The following PAX3 variants were observed in gnomAD, a reference collection of about 807,000 sequenced individuals.
PAX3 encodes paired box protein Pax-3.
PAX3 carries 14 observed loss-of-function variants against 51.6 expected under a neutral mutation model. The observed-to-expected ratio is 0.27, with a 90% CI of 0.18 to 0.42. PAX3 has a LOEUF of 0.42. Among genes scored for constraint, PAX3 ranks in the 10% least tolerant of loss-of-function variants. The pLI, the probability that PAX3 is intolerant of heterozygous loss-of-function variation, is 1.00. For missense variants in PAX3, 540 were observed against 642.8 expected, an observed-to-expected ratio of 0.84 and a Z score of 1.73; for synonymous variants, 280 against 253.4, an observed-to-expected ratio of 1.11 and a Z score of -1.00.
intron 7 of PAX3, among the ~76,000 whole-genome samples, chr2:222,203,014 T>TATATATATATAC (rs1691362667): frequency 6.6e-5 from 2 of 30,302 alleles, no homozygotes; most frequent in African/African-American, 2.9e-4. Context: ...AACCATTTCA[T>TATATATATATAC]ATATATATAT....
intron 5 of PAX3, among the ~76,000 whole-genome samples, chr2:222,230,412 G>T (rs13400426): frequency 3.3e-5 from 5 of 149,522 alleles, no homozygotes; most frequent in Non-Finnish European, 5.9e-5. Context: ...GGGCCTGTTG[G>T]GGGGTGGGGG....
chr2:222,223,283 T>C (rs975596685), intron 5 of PAX3, among the ~76,000 whole-genome samples: 1 of 152,222 alleles, frequency 6.6e-6, no homozygotes, highest in Non-Finnish European at 1.5e-5. Flanking sequence ...CAACATTTAA[T>C]ACTCCTTAAG....
chr2:222,220,095 G>T, intron 7 of PAX3, 45 bp downstream of exon 7: 1 of 1,519,642 alleles, frequency 6.6e-7, no homozygotes, highest in Non-Finnish European at 9.1e-7. Flanking sequence ...TGAATATTTG[G>T]TTCTGGTATA....
At chr2:222,290,788 G>T (rs1007076239) in intron 4 of PAX3, among the ~76,000 whole-genome samples, 1 of 152,060 alleles carries the variant, frequency 6.6e-6, no homozygotes, top group Admixed American at 6.5e-5. Flanking sequence ...AAGGAGGGGT[G>T]GAGGAGGAGG....
intron 4 of PAX3, among the ~76,000 whole-genome samples, chr2:222,270,705 T>C (rs377053672): frequency 1.4e-3 from 208 of 152,300 alleles, no homozygotes; most frequent in African/African-American, 4.5e-3. Flanking sequence ...CTTCCAATCT[T>C]GTGACATGAG....
At chr2:222,290,710 A>G (rs186169222) in intron 4 of PAX3, among the ~76,000 whole-genome samples, 1 of 152,290 alleles carries the variant, frequency 6.6e-6, no homozygotes, top group Non-Finnish European at 1.5e-5. Context: ...TAATTCCATT[A>G]CTGCACAAAG....
intron 4 of PAX3, among the ~76,000 whole-genome samples, chr2:222,254,275 A>T (rs1251495592): frequency 6.6e-6 from 1 of 152,188 alleles, no homozygotes; most frequent in Non-Finnish European, 1.5e-5. Flanking sequence ...TGGGGAAAGG[A>T]GGGTAGCTCT....
At chr2:222,265,982 T>C (rs994091438) in intron 4 of PAX3, among the ~76,000 whole-genome samples, 3 of 152,196 alleles carry the variant, frequency 2.0e-5, no homozygotes, top group African/African-American at 7.2e-5. Context: ...TCCAATAGTG[T>C]GGGGACAGCC....
intron 7 of PAX3, among the ~76,000 whole-genome samples, chr2:222,205,177 G>A (rs889888048): frequency 3.9e-5 from 6 of 152,168 alleles, no homozygotes; most frequent in Admixed American, 3.3e-4. Context: ...TTAAGACCTT[G>A]AAGTATATCT....
intron 4 of PAX3, among the ~76,000 whole-genome samples, chr2:222,280,410 GAAAA>G (rs745529133): frequency 2.4e-5 from 3 of 125,430 alleles, no homozygotes; most frequent in Admixed American, 8.3e-5. Flanking sequence ...AAGAAAGAAA[GAAAA>G]AAGAAAGAAA....
At chr2:222,254,258 AT>A (rs1184694326) in intron 4 of PAX3, among the ~76,000 whole-genome samples, 7 of 152,154 alleles carry the variant, frequency 4.6e-5, no homozygotes, top group African/African-American at 1.7e-4. Context: ...TTGATATGTT[AT>A]TTGCCTGGGG....
chr2:222,293,096 T>C (rs904206270), intron 4 of PAX3, among the ~76,000 whole-genome samples: 10 of 152,312 alleles, frequency 6.6e-5, no homozygotes, highest in Middle Eastern at 3.4e-3. Context: ...CGGCAACGGC[T>C]GTGAGCCCAC....
At chr2:222,221,500 T>A in intron 5 of PAX3, 113 bp from the exon 6 acceptor site, 5 of 977,836 alleles carry the variant, frequency 5.1e-6, no homozygotes, top group Non-Finnish European at 6.5e-6. Context: ...GGCAAATAGA[T>A]GCAAGAGTTC....
At chr2:222,260,600 T>TG (rs1693825016) in intron 4 of PAX3, among the ~76,000 whole-genome samples, 2 of 63,516 alleles carry the variant, frequency 3.1e-5, no homozygotes, top group African/African-American at 9.9e-5. Flanking sequence ...TGTTTTTTTT[T>TG]TTTTTTTTTG....
chr2:222,276,816 G>A (rs1694438400), intron 4 of PAX3, among the ~76,000 whole-genome samples: 1 of 152,228 alleles, frequency 6.6e-6, no homozygotes, highest in Non-Finnish European at 1.5e-5. Context: ...ATCTTCTTGT[G>A]AGGAGTCGGT....
At position 222,251,666 on chromosome 2, in the gene PAX3, A is replaced by G. The variant is rs370069545; in HGVS notation, c.587-19383T>C. ...GGTCAAATGGTATTTCTAGTTCTAG[A>G]TCCCTGAGGAATCGCCACACTGACT... On this transcript the variant is annotated intron_variant, in intron 4 of 8. Transcript: ENST00000392070. Among the ~76,000 whole-genome samples the G allele has an allele frequency of 1.2e-3, 188 of 152,228 alleles. 2 individuals are homozygous for G. The South Asian group carries it at 0.026, about 21-fold the overall frequency.
chr2:222,253,774 C>T (rs919449858), intron 4 of PAX3, among the ~76,000 whole-genome samples: 3 of 152,108 alleles, frequency 2.0e-5, no homozygotes, highest in African/African-American at 4.8e-5. Flanking sequence ...CCTCAGCCCC[C>T]TGAGTAGTTG....
At chr2:222,297,441 G>A (rs1006692489) in intron 1 of PAX3, among the ~76,000 whole-genome samples, 3 of 152,182 alleles carry the variant, frequency 2.0e-5, no homozygotes, top group East Asian at 3.8e-4. Context: ...CAGCAAATGG[G>A]GCAAAATAAT....
chr2:222,260,293 G>T (rs1048964697), intron 4 of PAX3, among the ~76,000 whole-genome samples: 7 of 152,088 alleles, frequency 4.6e-5, no homozygotes, highest in Non-Finnish European at 8.8e-5. Flanking sequence ...GCTTGAGCCT[G>T]GGAGGTCGAG....
Sources: allele counts gnomAD v4.1 joint callset (sites outside exome capture counted in the v4.1 genomes callset), GRCh38; gene constraint gnomAD v4.1.1; transcripts MANE v1.5; gene names NCBI Gene and HGNC (gene_info 2026-07-23, HGNC 2026-07-21).